Variants in CDYL2 observed in about 807,000 individuals in gnomAD.
The protein encoded by CDYL2 is chromodomain Y like 2, also known as chromodomain Y-like protein 2.
A neutral mutation model predicts 49.4 loss-of-function variants in CDYL2; 23 were observed. That is an observed-to-expected ratio of 0.47 (90% CI 0.34 to 0.66). CDYL2 has a LOEUF of 0.66. Among genes scored for constraint, CDYL2 ranks in the 30% least tolerant of loss-of-function variants. The pLI is 0.01. For synonymous variants in CDYL2, 360 were observed against 268.8 expected (o/e 1.34, Z -3.32); for missense variants, 678 against 656.4 (o/e 1.03, Z -0.36).
At chr16:80,662,791 C>G (rs1197919932) in intron 2 of CDYL2, 1 of 455,420 alleles carries the variant, frequency 2.2e-6, no homozygotes, top group Admixed American at 2.4e-5. Context: ...GGGAATCACA[C>G]TGTAGGAAAA....
At chr16:80,744,958 C>G (rs1445557531) in intron 1 of CDYL2, among the ~76,000 whole-genome samples, 1 of 152,180 alleles carries the variant, frequency 6.6e-6, no homozygotes, top group Admixed American at 6.5e-5. Flanking sequence ...CCTCTGTAAA[C>G]AGAAACCTAA....
chr16:80,728,437 T>C (rs555989584), intron 1 of CDYL2, among the ~76,000 whole-genome samples: 104 of 152,258 alleles, frequency 6.8e-4, no homozygotes, highest in African/African-American at 2.4e-3. Flanking sequence ...CCAAGAAATA[T>C]GGGACTATTT....
chr16:80,804,351 A>G lies in CDYL2; in HGVS notation c.-178T>C. On this transcript the variant is annotated 5_prime_UTR_variant, in exon 1 of 7. Transcript: ENST00000570137. ...ACAGGCTTGGGGGCTGCCTATGCGCAGAATCAGAGCGGGCGGCGGCGGGGC... is the reference window on the plus strand; with the variant it reads ...ACAGGCTTGGGGGCTGCCTATGCGCGGAATCAGAGCGGGCGGCGGCGGGGC... 3.4e-6 allele frequency: 1 copy of G among 297,934 alleles called. No individual in the cohort carries two copies. The highest frequency in any genetic ancestry group is 9.3e-5 in the East Asian group (1 of 10,734). 18.5% of individuals were successfully genotyped at this position (297,934 alleles called of 1,614,324 possible).
intron 1 of CDYL2, among the ~76,000 whole-genome samples, chr16:80,699,561 T>C (rs1396148077): frequency 6.6e-6 from 1 of 152,118 alleles, no homozygotes; most frequent in Non-Finnish European, 1.5e-5. Context: ...AAATACAAAA[T>C]CACAGCTAAA....
chr16:80,636,227 G>C (rs1000542015), intron 2 of CDYL2, among the ~76,000 whole-genome samples: 2 of 152,126 alleles, frequency 1.3e-5, no homozygotes, highest in Non-Finnish European at 2.9e-5. Context: ...TTAAACTAAA[G>C]AGCTTCTGTA....
At chr16:80,757,538 CAAAAAAA>C (rs35826810) in intron 1 of CDYL2, among the ~76,000 whole-genome samples, 1 of 98,340 alleles carries the variant, frequency 1.0e-5, no homozygotes, top group African/African-American at 2.9e-5. Context: ...GACTCTGTCT[CAAAAAAA>C]AAAAAAAAAT....
chr16:80,708,787 G>T (rs575741071), intron 1 of CDYL2, among the ~76,000 whole-genome samples: 26 of 152,140 alleles, frequency 1.7e-4, no homozygotes, highest in African/African-American at 5.5e-4. Flanking sequence ...AGTACTAGAA[G>T]CTTATTGTGT....
At chr16:80,710,178 C>T (rs1431776075) in intron 1 of CDYL2, among the ~76,000 whole-genome samples, 4 of 152,136 alleles carry the variant, frequency 2.6e-5, no homozygotes, top group South Asian at 2.1e-4. Context: ...CCTCCCGCCT[C>T]GGCCTCCCAA....
At chr16:80,736,947 G>A (rs1371997668) in intron 1 of CDYL2, among the ~76,000 whole-genome samples, 1 of 152,142 alleles carries the variant, frequency 6.6e-6, no homozygotes, top group Admixed American at 6.5e-5. Context: ...TGGAGCCCTG[G>A]AAATTTATAT....
At chr16:80,674,612 C>T (rs1050029081) in intron 2 of CDYL2, among the ~76,000 whole-genome samples, 2 of 152,138 alleles carry the variant, frequency 1.3e-5, no homozygotes, top group African/African-American at 4.8e-5. Context: ...GCAGTCATTC[C>T]CCACTCCCTC....
chr16:80,781,435 TG>T (rs1397439005), intron 1 of CDYL2, among the ~76,000 whole-genome samples: 2 of 152,152 alleles, frequency 1.3e-5, no homozygotes, highest in Non-Finnish European at 2.9e-5. Context: ...CGTTCCACAA[TG>T]GTTGGAGACT....
In CDYL2 at chr16:80,672,178, C is replaced by A. The variant is rs555064901; in HGVS notation, c.616+12360G>T. Among the ~76,000 whole-genome samples, 178 of 152,250 alleles carry A rather than the reference C, an allele frequency of 1.2e-3. 4 individuals are homozygous for A. In the South Asian group the frequency reaches 0.035, roughly 30 times the overall value. On this transcript the variant is annotated intron_variant, in intron 2 of 6. Coordinates refer to ENST00000570137, the MANE Select transcript of CDYL2 (RefSeq NM_152342.4). ...GATTTTGGACTTGGGGACATTCAAC[C>A]TGTATATCCTTCTGAAAACATATAA...
chr16:80,696,233 G>C (rs1378926452), intron 1 of CDYL2, among the ~76,000 whole-genome samples: 1 of 151,940 alleles, frequency 6.6e-6, no homozygotes, highest in African/African-American at 2.4e-5. Flanking sequence ...AAAACCTATG[G>C]GATATAGAAA....
intron 1 of CDYL2, among the ~76,000 whole-genome samples, chr16:80,690,102 C>G (rs1597176506): frequency 6.7e-6 from 1 of 148,656 alleles, no homozygotes; most frequent in Non-Finnish European, 1.5e-5. Context: ...GCCTAGGAGA[C>G]AGAGCAAGAC....
At chr16:80,788,538 G>A (rs545609559) in intron 1 of CDYL2, among the ~76,000 whole-genome samples, 2 of 152,320 alleles carry the variant, frequency 1.3e-5, no homozygotes, top group Admixed American at 6.5e-5. Context: ...CTATACCTGG[G>A]ATTCTGTGGA....
intron 1 of CDYL2, among the ~76,000 whole-genome samples, chr16:80,689,683 C>T (rs1910334772): frequency 6.6e-6 from 1 of 152,208 alleles, no homozygotes; most frequent in South Asian, 2.1e-4. Context: ...GGAAGTGACG[C>T]ATACAATAAC....
At chr16:80,751,184 G>C (rs1299791560) in intron 1 of CDYL2, among the ~76,000 whole-genome samples, 1 of 152,008 alleles carries the variant, frequency 6.6e-6, no homozygotes, top group Non-Finnish European at 1.5e-5. Flanking sequence ...AAAAACTTTA[G>C]ACCTCCACTT....
chr16:80,777,216 C>T (rs1907116220), intron 1 of CDYL2, among the ~76,000 whole-genome samples: 1 of 152,110 alleles, frequency 6.6e-6, no homozygotes, highest in African/African-American at 2.4e-5. Context: ...GAGAAGGGGG[C>T]ACACAGAGGA....
rs1315116112 is a variant in CDYL2, at chr16:80,612,767, G to A, written c.1077C>T (p.Gly359=). ...AGAGGGGCAGGATGGAGGCACCCAG[G>A]CCCAGGGCCGGCCCATTGATGGCCA... The part of the protein sequence containing the change: ...IVVAINGPAL[G]LGASILPLCD... The change falls in exon 5 of 7, where the codon GGC becomes GGT. Residue 359 remains glycine, a synonymous_variant. Transcript: ENST00000570137. This position sits in a 1 kb window ranked among gnomAD's most constrained non-coding sequence, Gnocchi z 5.0. 1 of 1,613,830 alleles carries A rather than the reference G, an allele frequency of 6.2e-7. No individual in the cohort carries two copies. The highest frequency in any genetic ancestry group is 1.3e-5 in the African/African-American group (1 of 75,034).
Sources: gnomAD v4.1 joint callset for allele counts (sites outside exome capture counted in the v4.1 genomes callset) on GRCh38, gnomAD v4.1.1 for gene constraint, Gnocchi (gnomAD v3.1) non-coding constraint, MANE v1.5 for transcripts, NCBI Gene and HGNC (gene_info 2026-07-23, HGNC 2026-07-21) for gene names.